CHRM3: variants seen among roughly 807,000 people sequenced by gnomAD.
The protein encoded by CHRM3 is cholinergic receptor muscarinic 3, also known as muscarinic acetylcholine receptor M3.
Under a neutral mutation model 41.8 loss-of-function variants are expected in CHRM3, and 11 were observed. That is an observed-to-expected ratio of 0.26 (90% CI 0.17 to 0.44). The LOEUF is 0.44. Among genes scored for constraint, CHRM3 ranks in the 20% least tolerant of loss-of-function variants. The pLI, the probability that CHRM3 is intolerant of heterozygous loss-of-function variation, is 1.00. For synonymous variants in CHRM3, 297 were observed against 301.4 expected (o/e 0.99, Z 0.15); for missense variants, 571 against 745.4 (o/e 0.77, Z 2.72).
At chr1:239,757,367 G>A (rs746022277) in intron 5 of CHRM3, among the ~76,000 whole-genome samples, 12 of 151,882 alleles carry the variant, frequency 7.9e-5, no homozygotes, top group Non-Finnish European at 1.6e-4. Context: ...ATCCTCTCAC[G>A]CCTGTAATCC....
At chr1:239,820,029 C>A (rs574834859) in intron 5 of CHRM3, among the ~76,000 whole-genome samples, 1 of 152,158 alleles carries the variant, frequency 6.6e-6, no homozygotes, top group Non-Finnish European at 1.5e-5. Flanking sequence ...TTTACCATGT[C>A]GGTGAGAGCT....
chr1:239,817,463 G>A (rs186388162), intron 5 of CHRM3, among the ~76,000 whole-genome samples: 1 of 151,986 alleles, frequency 6.6e-6, no homozygotes, highest in Non-Finnish European at 1.5e-5. Context: ...AAATCTTTAA[G>A]ACAGAATCCA....
chr1:239,419,089 C>G (rs919376781), intron 1 of CHRM3, among the ~76,000 whole-genome samples: 2 of 152,170 alleles, frequency 1.3e-5, no homozygotes, highest in Middle Eastern at 3.2e-3. Flanking sequence ...CCCAGTTCGT[C>G]TGAAACATAG....
chr1:239,729,680 A>G (rs978767788), intron 5 of CHRM3, among the ~76,000 whole-genome samples: 6 of 151,886 alleles, frequency 4.0e-5, no homozygotes, highest in African/African-American at 1.4e-4. Context: ...TATTAGATAT[A>G]ATGAAAGTGA....
At chr1:239,561,040 C>T (rs1417671879) in intron 3 of CHRM3, among the ~76,000 whole-genome samples, 1 of 152,132 alleles carries the variant, frequency 6.6e-6, no homozygotes. Context: ...AGAACACATC[C>T]CACATCTGCC....
At chr1:239,737,816 C>T (rs1664511673) in intron 5 of CHRM3, among the ~76,000 whole-genome samples, 1 of 152,118 alleles carries the variant, frequency 6.6e-6, no homozygotes, top group Non-Finnish European at 1.5e-5. Context: ...ACAAAGTTAT[C>T]TGTTAAGATA....
chr1:239,740,458 G>GT (rs1664741154), intron 5 of CHRM3, among the ~76,000 whole-genome samples: 1 of 151,206 alleles, frequency 6.6e-6, no homozygotes, highest in African/African-American at 2.4e-5. Context: ...CATTGAGGGT[G>GT]GTTTTTTTTT....
intron 5 of CHRM3, among the ~76,000 whole-genome samples, chr1:239,737,932 A>G (rs1310954858): frequency 6.6e-6 from 1 of 152,198 alleles, no homozygotes; most frequent in African/African-American, 2.4e-5. Context: ...AACCACTGGC[A>G]GAAAATATGA....
chr1:239,577,857 TC>T lies in CHRM3; in HGVS notation c.-313+32110del, dbSNP rs532937750. On this transcript the variant is annotated intron_variant, in intron 3 of 6. Transcript: ENST00000676153. The stretch of plus-strand genomic sequence containing the variant: ...ATCTTCACTTTCCTTGTCACTGGCA[TC>T]CTCTAAAGTGCCCATGGCAAGCATA... Among the ~76,000 whole-genome samples the T allele has an allele frequency of 4.4e-3, 672 of 152,234 alleles. 5 individuals are homozygous for T. Among genetic ancestry groups the T allele is most frequent in the African/African-American group, 0.016 (647 of 41,548 alleles).
chr1:239,552,110 G>A (rs1659885143), intron 3 of CHRM3, among the ~76,000 whole-genome samples: 1 of 149,810 alleles, frequency 6.7e-6, no homozygotes, highest in African/African-American at 2.4e-5. Flanking sequence ...AATGAAATAT[G>A]GCTATTTCTT....
chr1:239,862,578 G>T (rs571077711), intron 6 of CHRM3, among the ~76,000 whole-genome samples: 1 of 152,178 alleles, frequency 6.6e-6, no homozygotes, highest in Non-Finnish European at 1.5e-5. Flanking sequence ...AGATTTTCAG[G>T]TAGAGTGTGT....
chr1:239,699,602 AC>A (rs1660502905), intron 5 of CHRM3, among the ~76,000 whole-genome samples: 1 of 152,176 alleles, frequency 6.6e-6, no homozygotes, highest in African/African-American at 2.4e-5. Context: ...GCAGACTAAG[AC>A]AAGTGGCTAT....
chr1:239,826,974 T>A (rs1353186837), intron 5 of CHRM3: 1 of 152,190 alleles, frequency 6.6e-6, no homozygotes. Context: ...TCCCTAGAGA[T>A]ACTGCCTCTT....
chr1:239,776,354 G>A lies in CHRM3; in HGVS notation c.-146-50898G>A, dbSNP rs537866954. Among the ~76,000 whole-genome samples the A allele has an allele frequency of 2.0e-5, 3 of 152,290 alleles. No individual in the cohort carries two copies. The South Asian group carries it at 6.2e-4, about 32-fold the overall frequency. On this transcript the variant is annotated intron_variant, in intron 5 of 6. Coordinates refer to ENST00000676153, the MANE Select transcript of CHRM3 (RefSeq NM_001375978.1). ...GATTGCAAAATCCTTAAGACAATGT[G>A]TAACACATAGTAAGCATTAATTATG...
intron 6 of CHRM3, among the ~76,000 whole-genome samples, chr1:239,835,022 T>C (rs1372221530): frequency 1.3e-5 from 2 of 152,336 alleles, no homozygotes; most frequent in African/African-American, 4.8e-5. Context: ...TCATTTTCAT[T>C]ACTTGGAGAT....
In CHRM3 at chr1:239,856,565, C is replaced by A. The variant is rs1441224154; in HGVS notation, c.-20+29187C>A. ...CCTGCAGAATTGTGAACCAATTAAA[C>A]CTCTTTTCTCTATAAATTACCCAGT... On this transcript the variant is annotated intron_variant, in intron 6 of 6. Transcript: ENST00000676153. Among the ~76,000 whole-genome samples, 5 of 151,688 alleles carry A rather than the reference C, an allele frequency of 3.3e-5. No homozygotes were observed. In the East Asian group the frequency reaches 9.6e-4, roughly 29 times the overall value.
chr1:239,628,786 T>A (rs1422568751), intron 3 of CHRM3, among the ~76,000 whole-genome samples: 1 of 49,934 alleles, frequency 2.0e-5, no homozygotes, highest in Admixed American at 1.9e-4. Flanking sequence ...GTGCCCCTGC[T>A]GGGGGGTGCC....
chr1:239,670,672 C>T (rs887597778), intron 4 of CHRM3, among the ~76,000 whole-genome samples: 4 of 152,136 alleles, frequency 2.6e-5, no homozygotes, highest in East Asian at 1.9e-4. Context: ...GGATTACAGG[C>T]GTGCTCCACC....
chr1:239,659,101 C>T (rs1315560457), intron 4 of CHRM3, among the ~76,000 whole-genome samples: 3 of 152,132 alleles, frequency 2.0e-5, no homozygotes, highest in Non-Finnish European at 4.4e-5. Flanking sequence ...CTTCTTCATT[C>T]TCAGTGGTTG....
Sources: gnomAD v4.1 joint callset for allele counts (sites outside exome capture counted in the v4.1 genomes callset) on GRCh38, gnomAD v4.1.1 for gene constraint, MANE v1.5 for transcripts, NCBI Gene and HGNC (gene_info 2026-07-23, HGNC 2026-07-21) for gene names.